CELF2: variants seen among roughly 807,000 people sequenced by gnomAD.
CELF2 encodes CUG triplet repeat RNA-binding protein 2.
A neutral mutation model predicts 62.6 loss-of-function variants in CELF2; 8 were observed. The observed-to-expected ratio is 0.13, with a 90% CI of 0.07 to 0.23. The LOEUF is 0.23. CELF2 is among the 10% of genes least tolerant of loss of function. The probability of loss-of-function intolerance (pLI) is 1.00; values close to 1 mark genes in which losing one functional copy is unlikely to be tolerated. For synonymous variants in CELF2, 258 were observed against 250.0 expected (o/e 1.03, Z -0.30); for missense variants, 333 against 671.0 (o/e 0.50, Z 5.56).
chr10:11,266,515 A>C, intron 5 of CELF2, 83 bp from the exon 6 acceptor site: 2 of 960,080 alleles, frequency 2.1e-6, no homozygotes, highest in East Asian at 2.4e-5. Flanking sequence ...GTTCTCGTAG[A>C]CTGTGTTGGT....
rs997699198 is a variant in CELF2 at position 11,315,662 on chromosome 10, C to T, written c.1096+1404C>T. Among the ~76,000 whole-genome samples, 1 of 152,190 alleles carries T rather than the reference C, an allele frequency of 6.6e-6. No individual in the cohort carries two copies. Among genetic ancestry groups the T allele is most frequent in the Non-Finnish European group, 1.5e-5 (1 of 68,036 alleles). The stretch of plus-strand genomic sequence containing the variant: ...ACCATACCTCCCAAATGGGACGGCT[C>T]GTGATTAGCGTGGAGCCCGTGAAGT... On this transcript the variant is annotated intron_variant, in intron 10 of 12. Transcript: ENST00000633077. This position sits in a 1 kb window ranked among gnomAD's most constrained non-coding sequence, Gnocchi z 5.8.
At chr10:11,129,065 G>A (rs1049715200) in intron 1 of CELF2, among the ~76,000 whole-genome samples, 8 of 152,168 alleles carry the variant, frequency 5.3e-5, no homozygotes, top group African/African-American at 1.7e-4. Context: ...AATACCTAGT[G>A]TATTGAGAGT....
chr10:10,911,123 A>T (rs907609308), intron 1 of CELF2, among the ~76,000 whole-genome samples: 3 of 152,226 alleles, frequency 2.0e-5, no homozygotes, highest in Non-Finnish European at 4.4e-5. Context: ...TCTGAAGAGG[A>T]CATTTCTGAA....
chr10:11,235,374 A>G (rs2070812487), intron 3 of CELF2, among the ~76,000 whole-genome samples: 1 of 152,148 alleles, frequency 6.6e-6, no homozygotes. Flanking sequence ...TGCCATTTCA[A>G]TTTCAGTTAC....
chr10:10,714,483 T>C, the CELF2 span, among the ~76,000 whole-genome samples: 1 of 152,122 alleles, frequency 6.6e-6, no homozygotes, highest in Non-Finnish European at 1.5e-5. Flanking sequence ...AAAGAAAGTG[T>C]GAACTAGGGG....
At chr10:11,164,998 C>G in intron 1 of CELF2, 1 of 897,356 alleles carries the variant, frequency 1.1e-6, no homozygotes, top group Non-Finnish European at 1.3e-6. Context: ...TTTATTATTA[C>G]CACCTCTCTC....
the CELF2 span, among the ~76,000 whole-genome samples, chr10:10,736,006 A>C: frequency 2.0e-5 from 3 of 152,232 alleles, no homozygotes; most frequent in Non-Finnish European, 4.4e-5. Context: ...AATTTGGATA[A>C]GTCACCAAAC....
the CELF2 span, among the ~76,000 whole-genome samples, chr10:10,543,130 G>T: frequency 6.6e-6 from 1 of 152,158 alleles, no homozygotes; most frequent in Non-Finnish European, 1.5e-5. Context: ...GATGTCTGTT[G>T]GGTCCCCTGG....
At chr10:11,059,096 A>G (rs926695019) in intron 1 of CELF2, among the ~76,000 whole-genome samples, 1 of 152,176 alleles carries the variant, frequency 6.6e-6, no homozygotes, top group African/African-American at 2.4e-5. Context: ...TATTTTATGT[A>G]TGAGTCAAGG....
chr10:10,682,401 A>G, the CELF2 span, among the ~76,000 whole-genome samples: 1 of 152,222 alleles, frequency 6.6e-6, no homozygotes, highest in African/African-American at 2.4e-5. Flanking sequence ...AGCATAGAGC[A>G]TGTTTCACAA....
upstream of CELF2, chr10:11,005,277 A>G (rs1171859879): frequency 6.3e-6 from 10 of 1,586,240 alleles, no homozygotes; most frequent in African/African-American, 2.7e-5. The surrounding 1 kb of genome is among the most constrained non-coding windows in gnomAD (Gnocchi z 4.3). Context: ...AGAGAGAGAG[A>G]GAGAGAGAGA....
the CELF2 span, among the ~76,000 whole-genome samples, chr10:10,626,638 G>A: frequency 2.6e-5 from 4 of 152,076 alleles, no homozygotes; most frequent in Admixed American, 6.5e-5. Context: ...ACTTTTAAGC[G>A]TTCCTATATT....
At chr10:10,687,928 A>G in the CELF2 span, among the ~76,000 whole-genome samples, 1 of 152,242 alleles carries the variant, frequency 6.6e-6, no homozygotes, top group Non-Finnish European at 1.5e-5. Flanking sequence ...AAGAGCAGAG[A>G]GCAAAATGCT....
intron 1 of CELF2, among the ~76,000 whole-genome samples, chr10:11,130,668 A>G (rs1272669593): frequency 1.3e-5 from 2 of 152,230 alleles, no homozygotes; most frequent in Non-Finnish European, 2.9e-5. Flanking sequence ...ACAGTTAGTA[A>G]TGTTGTGGGG....
the CELF2 span, among the ~76,000 whole-genome samples, chr10:10,641,774 C>T: frequency 6.6e-6 from 1 of 152,120 alleles, no homozygotes; most frequent in Non-Finnish European, 1.5e-5. Context: ...ACAAATTTAT[C>T]ATTGACTAAT....
chr10:10,786,644 C>T, the CELF2 span: 3 of 152,268 alleles, frequency 2.0e-5, no homozygotes, highest in East Asian at 3.9e-4. Flanking sequence ...AACAGCCTCA[C>T]CTTATTTGCA....
At chr10:10,913,885 A>AGGAC (rs141260316) in intron 1 of CELF2, among the ~76,000 whole-genome samples, 1 of 27,906 alleles carries the variant, frequency 3.6e-5, no homozygotes, top group Non-Finnish European at 1.1e-4. Flanking sequence ...GAAGGAAGGA[A>AGGAC]GAAGGAAGGG....
At chr10:11,090,643 A>G (rs1332750186) in intron 1 of CELF2, among the ~76,000 whole-genome samples, 2 of 152,224 alleles carry the variant, frequency 1.3e-5, no homozygotes, top group Non-Finnish European at 1.5e-5. Context: ...CAATAAGAGA[A>G]TAGGTAAAGA....
intron 1 of CELF2, among the ~76,000 whole-genome samples, chr10:11,090,177 T>C (rs1040106843): frequency 7.1e-6 from 1 of 140,650 alleles, no homozygotes; most frequent in African/African-American, 2.7e-5. Context: ...GAATCTAAAA[T>C]GAAATTTGGG....
Sources: gnomAD v4.1 joint callset for allele counts (sites outside exome capture counted in the v4.1 genomes callset) on GRCh38, gnomAD v4.1.1 for gene constraint, Gnocchi (gnomAD v3.1) non-coding constraint, MANE v1.5 for transcripts, NCBI Gene and HGNC (gene_info 2026-07-23, HGNC 2026-07-21) for gene names.